MBOAT1: variants seen among roughly 807,000 people sequenced by gnomAD.
MBOAT1 encodes the protein membrane bound glycerophospholipid O-acyltransferase 1.
A neutral mutation model predicts 64.4 loss-of-function variants in MBOAT1; 67 were observed. The observed-to-expected ratio is 1.04, with a 90% CI of 0.85 to 1.27. The LOEUF (loss-of-function observed/expected upper bound fraction) is 1.27. MBOAT1 is among the 50% of genes most tolerant of loss of function. The pLI is 0.00. For missense variants in MBOAT1, 563 were observed against 604.6 expected (o/e 0.93, Z 0.72); for synonymous variants, 229 against 218.9 (o/e 1.05, Z -0.41).
At chr6:20,116,246 TG>T (rs1760315491) in intron 9 of MBOAT1, among the ~76,000 whole-genome samples, 1 of 151,976 alleles carries the variant, frequency 6.6e-6, no homozygotes, top group Non-Finnish European at 1.5e-5. Context: ...GCAGGCGAAT[TG>T]CTTGAACCCA....
intron 12 of MBOAT1, among the ~76,000 whole-genome samples, chr6:20,103,317 A>G (rs1281045117): frequency 6.6e-6 from 1 of 152,254 alleles, no homozygotes; most frequent in East Asian, 1.9e-4. Flanking sequence ...TTAACAAAAA[A>G]GGTTTCAAAA....
At chr6:20,191,087 T>G in intron 1 of MBOAT1, among the ~76,000 whole-genome samples, 1 of 152,236 alleles carries the variant, frequency 6.6e-6, no homozygotes, top group East Asian at 1.9e-4. Flanking sequence ...GTTCATGTGT[T>G]GGAAACTTAA....
At chr6:20,146,856 G>A (rs1406606101) in intron 3 of MBOAT1, among the ~76,000 whole-genome samples, 1 of 152,222 alleles carries the variant, frequency 6.6e-6, no homozygotes. Context: ...AAGGAATCAA[G>A]AAGTGGTAGT....
chr6:20,172,922 G>A (rs1762242058), intron 1 of MBOAT1, among the ~76,000 whole-genome samples: 1 of 151,918 alleles, frequency 6.6e-6, no homozygotes, highest in African/African-American at 2.4e-5. Flanking sequence ...GGTGGGAGGT[G>A]GCTGGAATAT....
intron 8 of MBOAT1, among the ~76,000 whole-genome samples, chr6:20,121,551 C>T (rs548086883): frequency 3.9e-5 from 6 of 152,256 alleles, no homozygotes; most frequent in East Asian, 3.9e-4. Flanking sequence ...GGGAACTCCC[C>T]GAAGGGTAGA....
In MBOAT1 at chr6:20,127,481, C is replaced by T. The variant is rs561032853; in HGVS notation, c.531-781G>A. ...GTGAGCGGCATGTGAGCAAACAAAG[C>T]TTCATCTGTATTTACAGCCTCTCCC... On this transcript the variant is annotated intron_variant, in intron 6 of 12. Coordinates refer to ENST00000324607, the MANE Select transcript of MBOAT1 (RefSeq NM_001080480.3). Among the ~76,000 whole-genome samples the T allele has an allele frequency of 1.9e-3, 286 of 152,254 alleles. 1 individual carries two copies. Among genetic ancestry groups the T allele is most frequent in the South Asian group, 7.7e-3 (37 of 4,834 alleles).
At chr6:20,205,017 C>G (rs1763222202) in intron 1 of MBOAT1, among the ~76,000 whole-genome samples, 1 of 152,058 alleles carries the variant, frequency 6.6e-6, no homozygotes, top group South Asian at 2.1e-4. Context: ...AGCAACATGG[C>G]AAGACCACAT....
At chr6:20,113,820 T>TA (rs1760243992) in intron 10 of MBOAT1, among the ~76,000 whole-genome samples, 1 of 150,250 alleles carries the variant, frequency 6.7e-6, no homozygotes, top group South Asian at 2.1e-4. Context: ...AAATATATAA[T>TA]AAAAAATAAA....
chr6:20,102,374 A>G lies in MBOAT1; in HGVS notation c.1400T>C (p.Ile467Thr). 2 of 1,612,618 alleles carry G rather than the reference A, an allele frequency of 1.2e-6. No individual in the cohort carries two copies. Among genetic ancestry groups the G allele is most frequent in the South Asian group, 2.2e-5 (2 of 91,052 alleles). Reference sequence around the variant, plus strand: ...TGGTTTCATTGGCAGAAATAGTATTATCAGGAGACTTATGATGTGCAAATA... The same window carrying G: ...TGGTTTCATTGGCAGAAATAGTATTGTCAGGAGACTTATGATGTGCAAATA... ...YFYLHIISLL[I>T]ILFLPMKPQA... Residue 467 changes from isoleucine to threonine, a missense_variant, in exon 13 of 13, where the codon ATA becomes ACA. Physicochemically the swap from Ile to Thr is moderately conservative, Grantham distance 89. Transcript: ENST00000324607.
At chr6:20,126,439 G>T (rs957140953) in intron 7 of MBOAT1, 78 bp downstream of exon 7, 5 of 1,211,756 alleles carry the variant, frequency 4.1e-6, no homozygotes, top group African/African-American at 3.2e-5. Flanking sequence ...TAAACTGTTT[G>T]GCTTCTTAAT....
chr6:20,157,529 T>C (rs533951527), intron 1 of MBOAT1, among the ~76,000 whole-genome samples: 1 of 152,274 alleles, frequency 6.6e-6, no homozygotes, highest in East Asian at 1.9e-4. Context: ...TAAAATTACA[T>C]GTAGAATTGC....
At position 20,130,456 on chromosome 6, in the gene MBOAT1, C is replaced by T. The variant is rs7748456; in HGVS notation, c.475+688G>A. 7.3e-3 allele frequency among the ~76,000 whole-genome samples: 1,115 copies of T among 152,202 alleles called. 7 individuals carry two copies. The highest frequency in any genetic ancestry group is 0.025 in the African/African-American group (1,046 of 41,506). On this transcript the variant is annotated intron_variant, in intron 5 of 12. Coordinates refer to ENST00000324607, the MANE Select transcript of MBOAT1 (RefSeq NM_001080480.3). ...GCAACCTCTGCCTCCCGGGTTCAAG[C>T]GATTCTCCTGCCTCAGCCTCCTAAG...
intron 1 of MBOAT1, among the ~76,000 whole-genome samples, chr6:20,192,844 C>T (rs1054090190): frequency 2.2e-4 from 34 of 152,176 alleles, no homozygotes; most frequent in African/African-American, 6.5e-4. Flanking sequence ...AGGCCTAGAT[C>T]CCAGCTCTTC....
intron 1 of MBOAT1, among the ~76,000 whole-genome samples, chr6:20,157,881 C>T (rs773254524): frequency 2.0e-5 from 3 of 152,008 alleles, no homozygotes; most frequent in Non-Finnish European, 4.4e-5. Flanking sequence ...TGAGCCAGCC[C>T]GCAGTGGCTC....
At chr6:20,112,841 T>C in intron 11 of MBOAT1, 35 bp downstream of exon 11, 1 of 1,596,932 alleles carries the variant, frequency 6.3e-7, no homozygotes, top group South Asian at 1.1e-5. Context: ...ATCAGATTAC[T>C]AAGGGGAAAG....
At chr6:20,152,229 A>T (rs1414788743) in intron 2 of MBOAT1, among the ~76,000 whole-genome samples, 1 of 152,122 alleles carries the variant, frequency 6.6e-6, no homozygotes, top group Non-Finnish European at 1.5e-5. Flanking sequence ...CAAGAGGCTG[A>T]GGCAGGAGAA....
chr6:20,130,665 T>C (rs1760795866), intron 5 of MBOAT1, among the ~76,000 whole-genome samples: 1 of 151,952 alleles, frequency 6.6e-6, no homozygotes, highest in Non-Finnish European at 1.5e-5. Context: ...TTTCCCAGCT[T>C]TTTATAGGGA....
intron 1 of MBOAT1, among the ~76,000 whole-genome samples, chr6:20,171,661 T>G (rs890079520): frequency 6.6e-6 from 1 of 152,192 alleles, no homozygotes; most frequent in Admixed American, 6.5e-5. Flanking sequence ...CCCAACTTAA[T>G]GGAAAACATT....
At chr6:20,113,045 A>G (rs757717059) in intron 10 of MBOAT1, 37 bp from the exon 11 acceptor site, 1 of 1,599,926 alleles carries the variant, frequency 6.3e-7, no homozygotes, top group East Asian at 2.2e-5. Context: ...CAGGTGAAAC[A>G]TACCAGAAAC....
Sources: allele counts gnomAD v4.1 joint callset (sites outside exome capture counted in the v4.1 genomes callset), GRCh38; gene constraint gnomAD v4.1.1; transcripts MANE v1.5; gene names NCBI Gene and HGNC (gene_info 2026-07-23, HGNC 2026-07-21).